Variants in SLC49A4 observed in about 807,000 individuals in gnomAD.
SLC49A4 encodes solute carrier family 49 member 4.
In SLC49A4, 36 loss-of-function variants were observed where a neutral mutation model predicts 50.6. That is an observed-to-expected ratio of 0.71 (90% CI 0.55 to 0.94). The LOEUF is 0.94. SLC49A4 is among the 40% of genes least tolerant of loss of function. SLC49A4 has a pLI of 0.00. For synonymous variants in SLC49A4, 248 were observed against 241.2 expected (o/e 1.03, Z -0.26); for missense variants, 503 against 605.7 (o/e 0.83, Z 1.78).
intron 1 of SLC49A4, among the ~76,000 whole-genome samples, chr3:122,802,861 G>A (rs1936153896): frequency 6.6e-6 from 1 of 152,064 alleles, no homozygotes. Context: ...GTCCACAATG[G>A]AACACAGAGA....
chr3:122,830,486 T>C (rs143494305), intron 3 of SLC49A4, among the ~76,000 whole-genome samples: 12 of 152,254 alleles, frequency 7.9e-5, no homozygotes, highest in Admixed American at 5.9e-4. Context: ...AGAAATGAGA[T>C]TCTAAAAAAG....
chr3:122,862,297 T>C (rs192460517), intron 7 of SLC49A4, among the ~76,000 whole-genome samples: 113 of 152,192 alleles, frequency 7.4e-4, no homozygotes, highest in African/African-American at 2.7e-3. Context: ...ACTGAAAAAA[T>C]TACTGAGACG....
chr3:122,804,396 T>A (rs757137887), intron 1 of SLC49A4, among the ~76,000 whole-genome samples: 1 of 152,232 alleles, frequency 6.6e-6, no homozygotes, highest in Non-Finnish European at 1.5e-5. Flanking sequence ...CATTTCAACG[T>A]GAGACCTGAG....
intron 4 of SLC49A4, among the ~76,000 whole-genome samples, chr3:122,845,430 C>G (rs747313565): frequency 6.6e-6 from 1 of 152,052 alleles, no homozygotes; most frequent in Non-Finnish European, 1.5e-5. Context: ...TGAATACACT[C>G]GTGCATGTGT....
intron 2 of SLC49A4, 89 bp downstream of exon 2, chr3:122,807,039 A>G (rs952276358): frequency 1.4e-6 from 1 of 710,456 alleles, no homozygotes; most frequent in Non-Finnish European, 2.3e-6. Flanking sequence ...TCATATTTAT[A>G]GAAGCGTTTA....
chr3:122,839,907 A>C (rs1468308302), intron 4 of SLC49A4, among the ~76,000 whole-genome samples: 1 of 152,184 alleles, frequency 6.6e-6, no homozygotes, highest in Non-Finnish European at 1.5e-5. Flanking sequence ...AAAGGAGAAA[A>C]GTCTTTATAT....
chr3:122,876,614 A>G (rs1937271128), intron 8 of SLC49A4, among the ~76,000 whole-genome samples: 1 of 152,244 alleles, frequency 6.6e-6, no homozygotes. Flanking sequence ...GAGAAAGGAG[A>G]CAATCTTGTT....
intron 2 of SLC49A4, among the ~76,000 whole-genome samples, chr3:122,823,102 C>T (rs1936476518): frequency 6.6e-6 from 1 of 152,078 alleles, no homozygotes; most frequent in Admixed American, 6.6e-5. Context: ...TTCATAGGGC[C>T]AAGGGGATGT....
At chr3:122,850,149 G>A (rs1305840097) in intron 5 of SLC49A4, among the ~76,000 whole-genome samples, 1 of 152,154 alleles carries the variant, frequency 6.6e-6, no homozygotes, top group Non-Finnish European at 1.5e-5. Flanking sequence ...TGAATCATCA[G>A]AATCGTCTAT....
At chr3:122,859,841 T>C (rs1268684136) in intron 6 of SLC49A4, among the ~76,000 whole-genome samples, 1 of 152,114 alleles carries the variant, frequency 6.6e-6, no homozygotes, top group African/African-American at 2.4e-5. Flanking sequence ...ACTCAGAATA[T>C]ATCCTATAAA....
intron 8 of SLC49A4, 49 bp downstream of exon 8, chr3:122,872,646 G>A (rs766817180): frequency 4.3e-6 from 6 of 1,407,618 alleles, no homozygotes; most frequent in Non-Finnish European, 5.8e-6. Context: ...TACAAGAAAA[G>A]TTTGGGTCAC....
chr3:122,869,427 A>G (rs1014403324), intron 7 of SLC49A4, among the ~76,000 whole-genome samples: 1 of 152,156 alleles, frequency 6.6e-6, no homozygotes, highest in East Asian at 1.9e-4. Context: ...TTTTAATTGT[A>G]TAATATTTCT....
chr3:122,854,226 A>G (rs1936958339), intron 5 of SLC49A4, among the ~76,000 whole-genome samples: 1 of 152,214 alleles, frequency 6.6e-6, no homozygotes, highest in East Asian at 1.9e-4. Flanking sequence ...TAGAGCGATA[A>G]TTTAAGCTTC....
chr3:122,806,908 G>C lies in SLC49A4; in HGVS notation c.395G>C (p.Gly132Ala), dbSNP rs763253913. The C allele has an allele frequency of 6.2e-7, 1 of 1,610,206 alleles. No individual in the cohort carries two copies. Among genetic ancestry groups the C allele is most frequent in the South Asian group, 1.1e-5 (1 of 90,928 alleles). ...TCCTTCCTTATGGTTTTGGGAACTG[G>C]TCTAAGATGCATACCTATATCAGAC... ...LTSFLMVLGTGLRCIPISDLI... is the reference protein window; with the variant it reads ...LTSFLMVLGTALRCIPISDLI... The change falls in exon 2 of 9, where the codon GGT (glycine) becomes GCT (alanine). Residue 132 changes from glycine (G) to alanine (A), a missense_variant. Gly to Ala is a moderately conservative substitution (Grantham distance 60). Coordinates refer to ENST00000261038, the MANE Select transcript of SLC49A4 (RefSeq NM_032839.3).
At chr3:122,841,081 G>A (rs1013266140) in intron 4 of SLC49A4, among the ~76,000 whole-genome samples, 2 of 152,108 alleles carry the variant, frequency 1.3e-5, no homozygotes, top group Non-Finnish European at 2.9e-5. Flanking sequence ...GTTCAGATCT[G>A]TTAAAAATCA....
chr3:122,845,878 A>G lies in SLC49A4; in HGVS notation c.942+7A>G, dbSNP rs1936841973. On this transcript the variant is annotated splice_region_variant and intron_variant, in intron 5 of 8. Transcript: ENST00000261038. ...ACCAGCGCATGTCAGCCAAGTAAGT[A>G]TTTTATTTCTTTATATGTTGTAGGT... is the stretch of plus-strand genomic sequence containing the variant. 1.3e-6 allele frequency: 2 copies of G among 1,582,152 alleles called. No individual in the cohort carries two copies. Among genetic ancestry groups the G allele is most frequent in the Non-Finnish European group, 1.7e-6 (2 of 1,159,302 alleles).
intron 6 of SLC49A4, among the ~76,000 whole-genome samples, chr3:122,856,653 A>G (rs1271798208): frequency 6.6e-6 from 1 of 152,060 alleles, no homozygotes; most frequent in African/African-American, 2.4e-5. Context: ...CCTGGCCAAC[A>G]CGGCAAAACC....
At position 122,817,250 on chromosome 3, in the gene SLC49A4, G is replaced by C. The variant is rs560775832; in HGVS notation, c.438-9550G>C. 5.9e-5 allele frequency among the ~76,000 whole-genome samples: 9 copies of C among 152,248 alleles called. No homozygotes were observed. The South Asian group carries it at 1.7e-3, about 28-fold the overall frequency. On this transcript the variant is annotated intron_variant, in intron 2 of 8. Coordinates refer to ENST00000261038, the MANE Select transcript of SLC49A4 (RefSeq NM_032839.3). ...GAAGAAGTCAGAGAAATGTTTTCTT[G>C]CATCTTCCAGCAACTGCAGTTGCTG...
At chr3:122,812,567 G>GT (rs1936313294) in intron 2 of SLC49A4, among the ~76,000 whole-genome samples, 2 of 152,172 alleles carry the variant, frequency 1.3e-5, no homozygotes, top group South Asian at 4.1e-4. Flanking sequence ...TGAACCCTGA[G>GT]AATGAGCAGT....
Sources: gnomAD v4.1 joint callset for allele counts (sites outside exome capture counted in the v4.1 genomes callset) on GRCh38, gnomAD v4.1.1 for gene constraint, MANE v1.5 for transcripts, NCBI Gene and HGNC (gene_info 2026-07-23, HGNC 2026-07-21) for gene names.